F2R: variants seen among roughly 807,000 people sequenced by gnomAD.
The protein encoded by F2R is proteinase-activated receptor 1.
In F2R, 12 loss-of-function variants were observed where a neutral mutation model predicts 18.3. The observed-to-expected ratio is 0.66, with a 90% CI of 0.42 to 1.06. The LOEUF is 1.06. Among genes scored for constraint, F2R ranks in the 50% least tolerant of loss-of-function variants. The pLI, the probability that F2R is intolerant of heterozygous loss-of-function variation, is 0.00. For missense variants in F2R, 438 were observed against 530.8 expected, an observed-to-expected ratio of 0.83 and a Z score of 1.72; for synonymous variants, 210 against 219.9, an observed-to-expected ratio of 0.95 and a Z score of 0.40.
intron 1 of F2R, among the ~76,000 whole-genome samples, chr5:76,722,368 C>T (rs1748477171): frequency 1.3e-5 from 2 of 152,266 alleles, no homozygotes; most frequent in South Asian, 2.1e-4. Flanking sequence ...TGGGGAAAGC[C>T]GGGGAACCTG....
chr5:76,719,985 G>A (rs1748417334), intron 1 of F2R, among the ~76,000 whole-genome samples: 1 of 152,138 alleles, frequency 6.6e-6, no homozygotes. Context: ...CAGAAAGACA[G>A]AAAACTGAGC....
At chr5:76,729,856 G>A (rs1748637319) in intron 1 of F2R, among the ~76,000 whole-genome samples, 1 of 152,166 alleles carries the variant, frequency 6.6e-6, no homozygotes, top group African/African-American at 2.4e-5. Context: ...ATGGAGACGG[G>A]TCTTTCCTGT....
intron 1 of F2R, among the ~76,000 whole-genome samples, chr5:76,726,430 C>A (rs1414760220): frequency 6.6e-6 from 1 of 151,966 alleles, no homozygotes; most frequent in Non-Finnish European, 1.5e-5. Context: ...ACTAGGGAGG[C>A]TGAGGCAAGA....
At chr5:76,726,244 C>G (rs1748550703) in intron 1 of F2R, among the ~76,000 whole-genome samples, 1 of 151,928 alleles carries the variant, frequency 6.6e-6, no homozygotes, top group African/African-American at 2.4e-5. Flanking sequence ...CAAAAATTAG[C>G]TGGGCAGCCG....
intron 1 of F2R, 149 bp from the exon 2 acceptor site, chr5:76,732,163 TAA>T: frequency 1.6e-6 from 1 of 618,110 alleles, no homozygotes; most frequent in Non-Finnish European, 2.8e-6. Context: ...TATTCTCTAA[TAA>T]AGTCTATTTG....
chr5:76,716,562 T>G (rs1748346848), intron 1 of F2R, 167 bp downstream of exon 1: 1 of 703,050 alleles, frequency 1.4e-6, no homozygotes, highest in Admixed American at 2.8e-5. Context: ...AGGTGGGGCG[T>G]GCCACCCCCT....
intron 1 of F2R, among the ~76,000 whole-genome samples, chr5:76,724,640 T>A (rs530330483): frequency 1.3e-5 from 2 of 152,352 alleles, no homozygotes; most frequent in East Asian, 1.9e-4. Context: ...CTTCAACTCA[T>A]GGATCTTAAC....
rs925132590 is a variant in F2R, at chr5:76,734,435, A to G, written c.*932A>G. On this transcript the variant is annotated 3_prime_UTR_variant, in exon 2 of 2. Transcript: ENST00000319211. ...TCCTGGGATTGGCTGTGAACTGATCATGTTTATGAGAAACTGGCAAAGCAG... is the reference window on the plus strand; with the variant it reads ...TCCTGGGATTGGCTGTGAACTGATCGTGTTTATGAGAAACTGGCAAAGCAG... The G allele has an allele frequency of 1.3e-5, 2 of 152,366 alleles. No homozygotes were observed. The highest frequency in any genetic ancestry group is 2.9e-5 in the Non-Finnish European group (2 of 68,050). 9.4% of individuals were successfully genotyped at this position (152,366 alleles called of 1,614,324 possible). A position where few individuals can be genotyped will look rare whatever the true frequency, so the allele number is the denominator to read the frequency against.
chr5:76,722,950 CA>C lies in F2R; in HGVS notation c.88+6569del, dbSNP rs11459024. Among the ~76,000 whole-genome samples, 828 of 144,966 alleles carry C rather than the reference CA, an allele frequency of 5.7e-3. 12 individuals are homozygous for C. The highest frequency in any genetic ancestry group is 0.057 in the Middle Eastern group (16 of 282). On this transcript the variant is annotated intron_variant, in intron 1 of 1. Coordinates refer to ENST00000319211, the MANE Select transcript of F2R (RefSeq NM_001992.5). ...TGGGAGACAGAGTGAGACTCTGTATCAAAAAAAAAAAAAAGAATTTTGTCTT... is the reference window on the plus strand; with the variant it reads ...TGGGAGACAGAGTGAGACTCTGTATCAAAAAAAAAAAAAGAATTTTGTCTT...
chr5:76,716,421 C>A, intron 1 of F2R, 26 bp downstream of exon 1: 4 of 1,413,344 alleles, frequency 2.8e-6, no homozygotes, highest in Admixed American at 6.0e-5. Flanking sequence ...GAATGGGGTG[C>A]GCGGGCGGAG....
Position 76,716,315 on chromosome 5 carries a change from C to T in F2R, c.8C>T (p.Pro3Leu). ...CGCGCAGAGCCCGGGACAATGGGGC[C>T]GCGGCGGCTGCTGCTGGTGGCCGCC... MGPRRLLLVAACF... is the reference protein window; with the variant it reads MGLRRLLLVAACF... Residue 3 changes from proline to leucine, a missense_variant, in exon 1 of 2, where the codon CCG (proline) becomes CTG (leucine). By Grantham distance (98) the Pro-to-Leu change is moderately conservative. Coordinates refer to ENST00000319211, the MANE Select transcript of F2R (RefSeq NM_001992.5). 3.5e-6 allele frequency: 5 copies of T among 1,410,696 alleles called. No individual in the cohort carries two copies. Among genetic ancestry groups the T allele is most frequent in the Non-Finnish European group, 4.6e-6 (5 of 1,085,010 alleles). 87.4% of individuals were successfully genotyped at this position (1,410,696 alleles called of 1,614,324 possible). A position where few individuals can be genotyped will look rare whatever the true frequency, so the allele number is the denominator to read the frequency against.
At chr5:76,730,280 AG>A (rs1748646260) in intron 1 of F2R, among the ~76,000 whole-genome samples, 1 of 152,168 alleles carries the variant, frequency 6.6e-6, no homozygotes, top group Non-Finnish European at 1.5e-5. Context: ...CTAGGACAGA[AG>A]TTATACTGAA....
chr5:76,731,461 G>C (rs1044238518), intron 1 of F2R, among the ~76,000 whole-genome samples: 6 of 151,280 alleles, frequency 4.0e-5, no homozygotes, highest in Admixed American at 3.9e-4. Context: ...GCAACAGAGT[G>C]AGACTGTGTC....
At chr5:76,723,898 C>CT (rs1209373887) in intron 1 of F2R, among the ~76,000 whole-genome samples, 2 of 152,112 alleles carry the variant, frequency 1.3e-5, no homozygotes, top group Non-Finnish European at 2.9e-5. Context: ...TATCTAAACC[C>CT]TCAAGTTTCC....
chr5:76,718,487 G>A (rs1377604100), intron 1 of F2R, among the ~76,000 whole-genome samples: 3 of 152,216 alleles, frequency 2.0e-5, no homozygotes, highest in Admixed American at 2.0e-4. Context: ...GTGCCAAGAG[G>A]GGCGGTGAAG....
intron 1 of F2R, among the ~76,000 whole-genome samples, chr5:76,728,769 C>A (rs948598480): frequency 6.8e-6 from 1 of 147,392 alleles, no homozygotes; most frequent in Admixed American, 6.9e-5. Context: ...CAGCTCACTG[C>A]AACCTCCGCC....
rs568954157 is a variant in F2R, at chr5:76,732,751, C to G, written c.526C>G (p.Arg176Gly). ...TTGGCAGTTTGGGTCTGAATTGTGT[C>G]GCTTCGTCACTGCAGCATTTTACTG... ...SDWQFGSELCRFVTAAFYCNM... is the reference protein window; with the variant it reads ...SDWQFGSELCGFVTAAFYCNM... The change falls in exon 2 of 2, where the codon CGC becomes GGC. Residue 176 changes from arginine to glycine, a missense_variant. Physicochemically the swap from Arg to Gly is moderately radical, Grantham distance 125. Coordinates refer to ENST00000319211, the MANE Select transcript of F2R (RefSeq NM_001992.5). The G allele has an allele frequency of 6.2e-7, 1 of 1,614,168 alleles. No homozygotes were observed. Among genetic ancestry groups the G allele is most frequent in the South Asian group, 1.1e-5 (1 of 91,074 alleles).
chr5:76,726,387 C>T (rs529817873), intron 1 of F2R, among the ~76,000 whole-genome samples: 18 of 152,148 alleles, frequency 1.2e-4, no homozygotes, highest in Non-Finnish European at 2.1e-4. Flanking sequence ...AAAAATTAGC[C>T]GGGCGCGGTG....
In F2R at chr5:76,732,725, A is replaced by T. The variant is rs763252115; in HGVS notation, c.500A>T (p.Asp167Val). The change falls in exon 2 of 2, where the codon GAT (aspartate) becomes GTT (valine). Residue 167 changes from aspartate (D) to valine (V), a missense_variant. By Grantham distance (152) the Asp-to-Val change is radical. Coordinates refer to ENST00000319211, the MANE Select transcript of F2R (RefSeq NM_001992.5). ...ATCAGCTATTACTTTTCCGGCAGTG[A>T]TTGGCAGTTTGGGTCTGAATTGTGT... is the stretch of plus-strand genomic sequence containing the variant. ...FKISYYFSGSDWQFGSELCRF... is the reference protein window; with the variant it reads ...FKISYYFSGSVWQFGSELCRF... The T allele has an allele frequency of 1.9e-6, 3 of 1,614,170 alleles. No individual in the cohort carries two copies. The highest frequency in any genetic ancestry group is 2.5e-6 in the Non-Finnish European group (3 of 1,180,040).
Sources: gnomAD v4.1 joint callset for allele counts (sites outside exome capture counted in the v4.1 genomes callset) on GRCh38, gnomAD v4.1.1 for gene constraint, MANE v1.5 for transcripts, NCBI Gene and HGNC (gene_info 2026-07-23, HGNC 2026-07-21) for gene names.